Variants in RGS7 observed in about 807,000 individuals in gnomAD.
RGS7 encodes the protein regulator of G-protein signaling 7.
A neutral mutation model predicts 81.1 loss-of-function variants in RGS7; 27 were observed. The ratio of observed to expected loss-of-function variants is 0.33; its 90% CI spans 0.25 to 0.46. RGS7 has a LOEUF of 0.46. Ranked by LOEUF, RGS7 falls within the 20% of genes least tolerant of loss-of-function variation. The probability of loss-of-function intolerance (pLI) is 1.00; values close to 1 mark genes in which losing one functional copy is unlikely to be tolerated. For missense variants in RGS7, 396 were observed against 607.4 expected, an observed-to-expected ratio of 0.65 and a Z score of 3.66; for synonymous variants, 208 against 207.7, an observed-to-expected ratio of 1.00 and a Z score of -0.01.
At chr1:240,853,573 A>C (rs1660478305) in intron 9 of RGS7, among the ~76,000 whole-genome samples, 1 of 152,120 alleles carries the variant, frequency 6.6e-6, no homozygotes. Context: ...TGAACTGATA[A>C]AAGGCAGCAG....
intron 18 of RGS7, among the ~76,000 whole-genome samples, chr1:240,783,186 A>G (rs776734712): frequency 1.3e-5 from 2 of 152,142 alleles, no homozygotes; most frequent in Non-Finnish European, 2.9e-5. Flanking sequence ...AACCAAACCA[A>G]TTCCTTTCTG....
At chr1:241,327,431 T>C (rs1425034797) in intron 2 of RGS7, among the ~76,000 whole-genome samples, 1 of 152,220 alleles carries the variant, frequency 6.6e-6, no homozygotes, top group Admixed American at 6.5e-5. Context: ...TGGGATTCCT[T>C]ATTAAATAAT....
At chr1:241,109,880 C>A (rs1184584317) in intron 2 of RGS7, among the ~76,000 whole-genome samples, 1 of 152,032 alleles carries the variant, frequency 6.6e-6, no homozygotes, top group East Asian at 1.9e-4. Flanking sequence ...ATCGCTTGAA[C>A]CCAGGAGGCA....
In RGS7 at chr1:241,030,493, T is replaced by TACACAC. The variant is rs10649050; in HGVS notation, c.176-47370_176-47365dup. Among the ~76,000 whole-genome samples, 1,262 of 140,506 alleles carry TACACAC rather than the reference T, an allele frequency of 9.0e-3. 8 individuals carry two copies. The highest frequency in any genetic ancestry group is 0.026 in the Middle Eastern group (7 of 268). 92.2% of individuals were successfully genotyped at this position (140,506 alleles called of 152,430 possible). Reference sequence around the variant, plus strand: ...TATATGCATGGTATGTATATAGATGTACACACACACACACACACACACACA... The same window carrying TACACAC: ...TATATGCATGGTATGTATATAGATGTACACACACACACACACACACACACACACACA... On this transcript the variant is annotated intron_variant, in intron 3 of 18. Coordinates refer to ENST00000440928, the MANE Select transcript of RGS7 (RefSeq NM_001364886.1).
chr1:241,039,145 T>C (rs770802508), intron 3 of RGS7, among the ~76,000 whole-genome samples: 40 of 152,242 alleles, frequency 2.6e-4, no homozygotes, highest in East Asian at 5.8e-4. Flanking sequence ...ATTTCTGAAG[T>C]TGACACATTC....
chr1:240,836,105 C>T (rs963108213), intron 9 of RGS7, among the ~76,000 whole-genome samples: 3 of 116,776 alleles, frequency 2.6e-5, no homozygotes, highest in South Asian at 2.9e-4. Context: ...ATATCAGTGT[C>T]GGTTAATCGA....
In RGS7 at chr1:240,922,220, T is replaced by G. The variant is rs1673675908; in HGVS notation, c.385+8497A>C. On this transcript the variant is annotated intron_variant, in intron 6 of 18. Transcript: ENST00000440928. ...CAGATTTTACTAATTTCACAAAAATTAACTTAAAATAAATTATACAACTAA... is the reference window on the plus strand; with the variant it reads ...CAGATTTTACTAATTTCACAAAAATGAACTTAAAATAAATTATACAACTAA... 2.0e-5 allele frequency among the ~76,000 whole-genome samples: 3 copies of G among 152,010 alleles called. No individual in the cohort carries two copies. The East Asian group carries it at 5.8e-4, about 29-fold the overall frequency.
intron 6 of RGS7, among the ~76,000 whole-genome samples, chr1:240,879,822 C>T (rs1364231549): frequency 6.6e-6 from 1 of 152,164 alleles, no homozygotes; most frequent in East Asian, 1.9e-4. Flanking sequence ...ATCATAAACT[C>T]TGTCATAGTT....
intron 2 of RGS7, among the ~76,000 whole-genome samples, chr1:241,125,137 G>T (rs375995312): frequency 1.3e-5 from 2 of 152,272 alleles, no homozygotes; most frequent in South Asian, 4.1e-4. Flanking sequence ...GTGTGAAGAA[G>T]TCTTAAGCCA....
intron 3 of RGS7, among the ~76,000 whole-genome samples, chr1:241,043,068 T>A (rs2060711240): frequency 1.3e-5 from 2 of 152,172 alleles, no homozygotes; most frequent in Admixed American, 1.3e-4. Context: ...ATAGATATTG[T>A]GAATAATTGT....
chr1:241,016,944 TTA>T (rs2059279419), intron 3 of RGS7, among the ~76,000 whole-genome samples: 1 of 152,236 alleles, frequency 6.6e-6, no homozygotes, highest in African/African-American at 2.4e-5. Context: ...CCTGAGCATT[TTA>T]TATGATTCTA....
At chr1:240,807,221 C>CTTT (rs1689014543) in intron 14 of RGS7, among the ~76,000 whole-genome samples, 1 of 152,100 alleles carries the variant, frequency 6.6e-6, no homozygotes, top group Non-Finnish European at 1.5e-5. Flanking sequence ...CAATATTTTG[C>CTTT]TCTAGGCTAG....
chr1:240,948,848 T>TTA (rs914687601), intron 4 of RGS7, among the ~76,000 whole-genome samples: 7 of 149,610 alleles, frequency 4.7e-5, no homozygotes, highest in East Asian at 1.9e-4. Flanking sequence ...TACATATATA[T>TTA]TATATATATA....
At chr1:240,931,964 C>T (rs1354829122) in intron 5 of RGS7, among the ~76,000 whole-genome samples, 1 of 152,204 alleles carries the variant, frequency 6.6e-6, no homozygotes, top group Non-Finnish European at 1.5e-5. Context: ...GCAGGACTCA[C>T]TGTAACAGTG....
intron 2 of RGS7, among the ~76,000 whole-genome samples, chr1:241,337,574 G>A (rs892974845): frequency 3.3e-5 from 5 of 150,926 alleles, no homozygotes; most frequent in South Asian, 2.1e-4. Context: ...CTGAATGTGC[G>A]GCCCATTATA....
chr1:241,201,968 T>A (rs2073532267), intron 2 of RGS7, among the ~76,000 whole-genome samples: 1 of 148,198 alleles, frequency 6.7e-6, no homozygotes, highest in African/African-American at 2.5e-5. Flanking sequence ...AATAATCTAT[T>A]TCAGCCCACT....
intron 2 of RGS7, among the ~76,000 whole-genome samples, chr1:241,130,627 T>G (rs935978196): frequency 6.6e-6 from 1 of 152,040 alleles, no homozygotes; most frequent in African/African-American, 2.4e-5. Context: ...TATTTCTGAG[T>G]TGATAACTCT....
rs58044429 is a variant in RGS7, at chr1:241,195,176, T to C, written c.79-96414A>G. 2.0e-3 allele frequency among the ~76,000 whole-genome samples: 304 copies of C among 152,294 alleles called. 2 individuals carry two copies. Among genetic ancestry groups the C allele is most frequent in the African/African-American group, 6.8e-3 (283 of 41,574 alleles). ...GACACTCAATGAAAAATTAATAGCA[T>C]ATTAAATAGATTTGACCAGCGGGGC... is the stretch of plus-strand genomic sequence containing the variant. On this transcript the variant is annotated intron_variant, in intron 2 of 18. Transcript: ENST00000440928.
At chr1:241,342,437 A>C (rs889258526) in intron 2 of RGS7, among the ~76,000 whole-genome samples, 2 of 152,236 alleles carry the variant, frequency 1.3e-5, no homozygotes, top group South Asian at 4.1e-4. Flanking sequence ...TGCTACAAGA[A>C]GAGAAAAAAC....
Sources: allele counts gnomAD v4.1 joint callset (sites outside exome capture counted in the v4.1 genomes callset), GRCh38; gene constraint gnomAD v4.1.1; transcripts MANE v1.5; gene names NCBI Gene and HGNC (gene_info 2026-07-23, HGNC 2026-07-21).